The following IKZF3 variants were observed in gnomAD, a reference collection of about 807,000 sequenced individuals.
IKZF3 encodes the protein IKAROS family zinc finger 3.
In IKZF3, 10 loss-of-function variants were observed where a neutral mutation model predicts 49.0. The observed-to-expected ratio is 0.20, with a 90% CI of 0.13 to 0.35. The LOEUF (loss-of-function observed/expected upper bound fraction) is 0.35. Ranked by LOEUF, IKZF3 falls within the 10% of genes least tolerant of loss-of-function variation. The pLI, the probability that IKZF3 is intolerant of heterozygous loss-of-function variation, is 1.00. For missense variants in IKZF3, 498 were observed against 664.8 expected, an observed-to-expected ratio of 0.75 and a Z score of 2.76; for synonymous variants, 209 against 228.2, an observed-to-expected ratio of 0.92 and a Z score of 0.76.
chr17:39,792,649 G>C lies in IKZF3; in HGVS notation c.424+24C>G. 1.9e-6 allele frequency: 3 copies of C among 1,597,126 alleles called. No individual in the cohort carries two copies. The South Asian group carries it at 3.4e-5, about 18-fold the overall frequency. ...GGCTGCATTAGGAGAGTTTTCAGAA[G>C]AATGAAAAAAGCAGACTATTTACCA... On this transcript the variant is annotated intron_variant, in intron 4 of 7. Coordinates refer to ENST00000346872, the MANE Select transcript of IKZF3 (RefSeq NM_012481.5).
intron 1 of IKZF3, among the ~76,000 whole-genome samples, chr17:39,837,802 C>T (rs555100411): frequency 6.6e-6 from 1 of 152,018 alleles, no homozygotes. Context: ...CCATGCCTGG[C>T]TAATTTTTGT....
rs545188086 is a variant in IKZF3 at position 39,759,424 on chromosome 17, A to C, written c.*6366T>G. 6.6e-6 allele frequency: 1 copy of C among 152,256 alleles called. No homozygotes were observed. Among genetic ancestry groups the C allele is most frequent in the East Asian group, 1.9e-4 (1 of 5,184 alleles). The allele number at this position is 152,256 out of a possible 1,614,324, so 9.4% of individuals were successfully genotyped here. A position where few individuals can be genotyped will look rare whatever the true frequency, so the allele number is the denominator to read the frequency against. ...GGGAAACAGAGCGAGACTTTGTCTC[A>C]AAAAGAAAAAAAAAAAGAGGAAACT... On this transcript the variant is annotated 3_prime_UTR_variant, in exon 8 of 8. Transcript: ENST00000346872.
chr17:39,777,681 G>T lies in IKZF3; in HGVS notation c.796C>A (p.Arg266=), dbSNP rs1404334635. 1.1e-5 allele frequency: 18 copies of T among 1,613,012 alleles called. No individual in the cohort carries two copies. Among genetic ancestry groups the T allele is most frequent in the Non-Finnish European group, 1.4e-5 (17 of 1,179,582 alleles). Residue 266 remains arginine (R), a synonymous_variant, in exon 7 of 8, where the codon CGA becomes AGA. Coordinates refer to ENST00000346872, the MANE Select transcript of IKZF3 (RefSeq NM_012481.5). The stretch of plus-strand genomic sequence containing the variant: ...AATTTCTGAGGCATTGAGCTTTTTC[G>T]TTTTGCCACATTGCTTGCTAATCTG... ...LDRLASNVAK[R]KSSMPQKFIG...
chr17:39,766,720 A>C (rs991696765), intron 7 of IKZF3, among the ~76,000 whole-genome samples: 1 of 152,096 alleles, frequency 6.6e-6, no homozygotes, highest in Non-Finnish European at 1.5e-5. Flanking sequence ...AGGGGCAGAG[A>C]TGTGGTTCAG....
At chr17:39,819,937 T>C (rs1354455394) in intron 3 of IKZF3, among the ~76,000 whole-genome samples, 3 of 152,164 alleles carry the variant, frequency 2.0e-5, no homozygotes, top group Non-Finnish European at 4.4e-5. Flanking sequence ...TCTCAAAGTA[T>C]TGGGATTACA....
At chr17:39,813,218 T>C (rs891437044) in intron 3 of IKZF3, among the ~76,000 whole-genome samples, 2 of 151,968 alleles carry the variant, frequency 1.3e-5, no homozygotes, top group African/African-American at 2.4e-5. Context: ...CTGTTAACCA[T>C]TGCAACTGTC....
intron 3 of IKZF3, among the ~76,000 whole-genome samples, chr17:39,825,266 T>C (rs1308619294): frequency 6.6e-6 from 1 of 152,180 alleles, no homozygotes; most frequent in Non-Finnish European, 1.5e-5. Flanking sequence ...AGATATGATA[T>C]GGTAAAGTCA....
chr17:39,838,356 C>A (rs2062363502), intron 1 of IKZF3, among the ~76,000 whole-genome samples: 1 of 152,142 alleles, frequency 6.6e-6, no homozygotes, highest in Admixed American at 6.5e-5. Context: ...ATTTTCATAT[C>A]TTCAAGTTCA....
intron 2 of IKZF3, among the ~76,000 whole-genome samples, chr17:39,831,638 T>C (rs1013703424): frequency 1.3e-5 from 2 of 152,038 alleles, no homozygotes; most frequent in African/African-American, 4.8e-5. Flanking sequence ...GTAGGAATGG[T>C]TTTTACATTT....
At chr17:39,844,863 C>T (rs2062583208) in intron 1 of IKZF3, among the ~76,000 whole-genome samples, 1 of 152,084 alleles carries the variant, frequency 6.6e-6, no homozygotes, top group Non-Finnish European at 1.5e-5. Flanking sequence ...CTCAGGTAAT[C>T]CGCCTGCCTC....
In IKZF3 at chr17:39,765,963, G is replaced by A. The variant is rs1434210451; in HGVS notation, c.1357C>T (p.Arg453Trp). 1.9e-6 allele frequency: 3 copies of A among 1,614,098 alleles called. No homozygotes were observed. The highest frequency in any genetic ancestry group is 2.7e-5 in the African/African-American group (2 of 74,924). Reference protein sequence around the residue: ...NKEGEVMDVYRCDHCRVLFLD... With the variant: ...NKEGEVMDVYWCDHCRVLFLD... ...AAGAGGACGCGGCAGTGGTCACACC[G>A]ATACACATCCATCACCTCCCCTTCC... The change falls in exon 8 of 8, where the codon CGG (arginine) becomes TGG (tryptophan). Residue 453 changes from arginine (R) to tryptophan (W), a missense_variant. Arg to Trp is a moderately radical substitution (Grantham distance 101). Around this residue, in one of 3 missense-constraint regions of IKZF3, gnomAD observed 317 missense variants for 397.3 expected, o/e 0.80. Coordinates refer to ENST00000346872, the MANE Select transcript of IKZF3 (RefSeq NM_012481.5).
chr17:39,856,631 T>C (rs1213509098), intron 1 of IKZF3, among the ~76,000 whole-genome samples: 1 of 151,680 alleles, frequency 6.6e-6, no homozygotes, highest in Admixed American at 6.6e-5. Flanking sequence ...CATGGTGAAA[T>C]ACTGTCTCTA....
intron 3 of IKZF3, among the ~76,000 whole-genome samples, chr17:39,818,103 C>G (rs2061718806): frequency 6.6e-6 from 1 of 152,132 alleles, no homozygotes; most frequent in African/African-American, 2.4e-5. Flanking sequence ...GTTATGGGTA[C>G]AGCATGTTAC....
intron 6 of IKZF3, among the ~76,000 whole-genome samples, chr17:39,779,646 G>GTTTT (rs138812490): frequency 1.0e-4 from 12 of 117,762 alleles, no homozygotes; most frequent in East Asian, 2.3e-4. Flanking sequence ...TATATTCTTT[G>GTTTT]TTTTTTGTTT....
chr17:39,790,112 A>G (rs535718610), intron 5 of IKZF3, among the ~76,000 whole-genome samples: 1 of 152,200 alleles, frequency 6.6e-6, no homozygotes, highest in African/African-American at 2.4e-5. Flanking sequence ...TACTCAATGA[A>G]TTTGTCAGTT....
intron 6 of IKZF3, chr17:39,778,147 A>G (rs1402068826): frequency 2.0e-6 from 2 of 991,566 alleles, no homozygotes; most frequent in African/African-American, 3.5e-5. Context: ...GCAGACTGAT[A>G]TAATTCTTAA....
intron 1 of IKZF3, among the ~76,000 whole-genome samples, chr17:39,852,504 T>C (rs2062907409): frequency 6.6e-6 from 1 of 152,190 alleles, no homozygotes; most frequent in Admixed American, 6.5e-5. Flanking sequence ...TCCCCTTTCT[T>C]GAATTCCGTT....
intron 3 of IKZF3, among the ~76,000 whole-genome samples, chr17:39,824,587 G>T (rs1233116897): frequency 6.6e-6 from 1 of 152,142 alleles, no homozygotes; most frequent in Non-Finnish European, 1.5e-5. Flanking sequence ...CCCACGTGTT[G>T]TGAGAAGGAC....
At chr17:39,832,344 A>G (rs578184276) in intron 1 of IKZF3, among the ~76,000 whole-genome samples, 193 bp from the exon 2 acceptor site, 15 of 152,078 alleles carry the variant, frequency 9.9e-5, no homozygotes, top group Non-Finnish European at 2.2e-4. Flanking sequence ...TTGATGCAGC[A>G]ATGTTACTCT....
Sources: gnomAD v4.1 joint callset for allele counts (sites outside exome capture counted in the v4.1 genomes callset) on GRCh38, gnomAD v4.1.1 for gene constraint, gnomAD v4.1.1 regional missense constraint, MANE v1.5 for transcripts, NCBI Gene and HGNC (gene_info 2026-07-23, HGNC 2026-07-21) for gene names.